The following KLF9 variants were observed in gnomAD, a reference collection of about 807,000 sequenced individuals.
KLF9 encodes Krueppel-like factor 9.
In KLF9, 2 loss-of-function variants were observed where a neutral mutation model predicts 17.3. The observed-to-expected ratio is 0.12, with a 90% CI of 0.05 to 0.36. The LOEUF is 0.36. Among genes scored for constraint, KLF9 ranks in the 10% least tolerant of loss-of-function variants. The pLI, the probability that KLF9 is intolerant of heterozygous loss-of-function variation, is 1.00. For missense variants in KLF9, 226 were observed against 333.2 expected (o/e 0.68, Z 2.51); for synonymous variants, 138 against 139.2 (o/e 0.99, Z 0.06).
rs1252820227 is a variant in KLF9 at position 70,413,460 on chromosome 9, GCGGCGCGGCA to G, written c.-107_-98del. 4.8e-5 allele frequency: 59 copies of G among 1,233,952 alleles called. No homozygotes were observed. The highest frequency in any genetic ancestry group is 3.1e-4 in the Middle Eastern group (1 of 3,268). 76.4% of individuals were successfully genotyped at this position (1,233,952 alleles called of 1,614,324 possible). A position where few individuals can be genotyped will look rare whatever the true frequency, so the allele number is the denominator to read the frequency against. ...CCTGGCCTCGGACGACGAGCGCGGC[GCGGCGCGGCA>G]CGGCGCGGCGGCCAAGGGGGCGGGG... On this transcript the variant is annotated 5_prime_UTR_variant, in exon 1 of 2. Coordinates refer to ENST00000377126, the MANE Select transcript of KLF9 (RefSeq NM_001206.4). The surrounding 1 kb of genome is among the most constrained non-coding windows in gnomAD (Gnocchi z 5.6).
rs1005799595 is a variant in KLF9, at chr9:70,385,501, A to T, written c.*2275T>A. ...CATCTAAGTGCTTGACAAAAGCCAC[A>T]TTTAGATTTACTCCTGAAACTATAA... On this transcript the variant is annotated 3_prime_UTR_variant, in exon 2 of 2. Coordinates refer to ENST00000377126, the MANE Select transcript of KLF9 (RefSeq NM_001206.4). 6 of 152,680 alleles carry T rather than the reference A, an allele frequency of 3.9e-5. No homozygotes were observed. Among genetic ancestry groups the T allele is most frequent in the African/African-American group, 1.4e-4 (6 of 41,478 alleles). The allele number at this position is 152,680 out of a possible 1,614,324, so 9.5% of individuals were successfully genotyped here.
At chr9:70,399,171 C>CT (rs2037203536) in intron 1 of KLF9, among the ~76,000 whole-genome samples, 1 of 152,146 alleles carries the variant, frequency 6.6e-6, no homozygotes, top group South Asian at 2.1e-4. Flanking sequence ...ATGGCCCTGC[C>CT]TGAAAACTAA....
chr9:70,394,298 T>TACACACACAC (rs61688107), intron 1 of KLF9, among the ~76,000 whole-genome samples: 54,135 of 150,212 alleles, frequency 0.36, 11,086 homozygotes, highest in South Asian at 0.57. Context: ...TAACAGCTCA[T>TACACACACAC]ACACACACAC....
At chr9:70,410,056 A>T (rs1489054051) in intron 1 of KLF9, among the ~76,000 whole-genome samples, 2 of 152,242 alleles carry the variant, frequency 1.3e-5, no homozygotes, top group Non-Finnish European at 2.9e-5. Flanking sequence ...TTGTGGATTA[A>T]GAAAGTGAGG....
At position 70,413,471 on chromosome 9, in the gene KLF9, C is replaced by T; in HGVS notation, c.-108G>A. 8.5e-7 allele frequency: 1 copy of T among 1,179,688 alleles called. No homozygotes were observed. The highest frequency in any genetic ancestry group is 1.1e-6 in the Non-Finnish European group (1 of 944,334). The allele number at this position is 1,179,688 out of a possible 1,614,324, so 73.1% of individuals were successfully genotyped here. ...ACGACGAGCGCGGCGCGGCGCGGCA[C>T]GGCGCGGCGGCCAAGGGGGCGGGGG... On this transcript the variant is annotated 5_prime_UTR_variant, in exon 1 of 2. It adds an upstream start codon to the 5' untranslated region. Transcript: ENST00000377126. The surrounding 1 kb of genome is among the most constrained non-coding windows in gnomAD (Gnocchi z 5.6).
At chr9:70,412,238 C>T (rs1587744723) in intron 1 of KLF9, among the ~76,000 whole-genome samples, 1 of 137,150 alleles carries the variant, frequency 7.3e-6, no homozygotes, top group African/African-American at 2.7e-5. Context: ...CCTGGCTCAT[C>T]AGGAGGACTC....
rs35616865 is a variant in KLF9 at position 70,409,200 on chromosome 9, G to GTA, written c.505+3657_505+3658dup. Among the ~76,000 whole-genome samples, 45 of 118,640 alleles carry GTA rather than the reference G, an allele frequency of 3.8e-4. 2 individuals are homozygous for GTA. The highest frequency in any genetic ancestry group is 9.0e-3 in the Middle Eastern group (2 of 222). The allele number at this position is 118,640 out of a possible 152,430, so 77.8% of individuals were successfully genotyped here. On this transcript the variant is annotated intron_variant, in intron 1 of 1. Coordinates refer to ENST00000377126, the MANE Select transcript of KLF9 (RefSeq NM_001206.4). The stretch of plus-strand genomic sequence containing the variant: ...TATATGTATACATATACATGTATAT[G>GTA]TATATATATATACATATATGTATAT...
chr9:70,397,879 G>A (rs2037193095), intron 1 of KLF9, among the ~76,000 whole-genome samples: 1 of 152,142 alleles, frequency 6.6e-6, no homozygotes, highest in South Asian at 2.1e-4. Context: ...AACATGAACA[G>A]TTGCTTTTTT....
chr9:70,400,773 TCATA>T (rs1335613067), intron 1 of KLF9, among the ~76,000 whole-genome samples: 4 of 152,240 alleles, frequency 2.6e-5, no homozygotes, highest in African/African-American at 9.6e-5. Context: ...TAAATCCTAC[TCATA>T]CATGCCACAT....
At chr9:70,411,949 A>G (rs557506994) in intron 1 of KLF9, among the ~76,000 whole-genome samples, 5 of 152,292 alleles carry the variant, frequency 3.3e-5, no homozygotes, top group Middle Eastern at 3.4e-3. Flanking sequence ...CACAACCAAC[A>G]GAATTGGATG....
At chr9:70,406,481 C>T (rs982884513) in intron 1 of KLF9, among the ~76,000 whole-genome samples, 4 of 152,152 alleles carry the variant, frequency 2.6e-5, no homozygotes, top group Non-Finnish European at 4.4e-5. Context: ...CTTCCAACCT[C>T]CAAGTGCTAT....
At chr9:70,407,026 A>T (rs898441091) in intron 1 of KLF9, among the ~76,000 whole-genome samples, 1 of 152,142 alleles carries the variant, frequency 6.6e-6, no homozygotes, top group Non-Finnish European at 1.5e-5. Context: ...TGGGATAGAA[A>T]GCAGGCTCCA....
rs1213654249 is a variant in KLF9 at position 70,387,422 on chromosome 9, C to G, written c.*354G>C. 6.7e-6 allele frequency: 1 copy of G among 149,208 alleles called. No individual in the cohort carries two copies. The highest frequency in any genetic ancestry group is 1.4e-5 in the Non-Finnish European group (1 of 69,066). 9.2% of individuals were successfully genotyped at this position (149,208 alleles called of 1,614,324 possible). ...AATTCTACCCCAGTCTTGGCCTTAC[C>G]CCCCTCCCCCCCACCCACTCCCTAC... On this transcript the variant is annotated 3_prime_UTR_variant, in exon 2 of 2. Coordinates refer to ENST00000377126, the MANE Select transcript of KLF9 (RefSeq NM_001206.4).
intron 1 of KLF9, 58 bp downstream of exon 1, chr9:70,412,801 T>TG: frequency 6.6e-7 from 1 of 1,507,004 alleles, no homozygotes; most frequent in Non-Finnish European, 8.9e-7. Flanking sequence ...CCAGGAACGC[T>TG]GCCTGGCCAA....
chr9:70,398,377 G>A (rs1275019804), intron 1 of KLF9, among the ~76,000 whole-genome samples: 1 of 152,194 alleles, frequency 6.6e-6, no homozygotes, highest in Non-Finnish European at 1.5e-5. Context: ...GCATGTCAGA[G>A]TCTAAGAAGC....
chr9:70,407,492 G>A (rs976967429), intron 1 of KLF9, among the ~76,000 whole-genome samples: 17 of 152,200 alleles, frequency 1.1e-4, no homozygotes, highest in African/African-American at 4.1e-4. Flanking sequence ...AACAGTGTGC[G>A]TACTCTGTAA....
At chr9:70,401,909 G>A (rs2037224791) in intron 1 of KLF9, among the ~76,000 whole-genome samples, 1 of 151,828 alleles carries the variant, frequency 6.6e-6, no homozygotes, top group African/African-American at 2.4e-5. Context: ...CAGCTACTCA[G>A]GAGGCTGAGG....
chr9:70,396,910 G>C lies in KLF9; in HGVS notation c.506-8905C>G, dbSNP rs1363765049. On this transcript the variant is annotated intron_variant, in intron 1 of 1. Coordinates refer to ENST00000377126, the MANE Select transcript of KLF9 (RefSeq NM_001206.4). ...GAATATATTCCAGGCCAGACATGGT[G>C]GTTTATGCCTGTAATCCCAGCACTT... Among the ~76,000 whole-genome samples the C allele has an allele frequency of 2.0e-5, 3 of 152,202 alleles. No homozygotes were observed. The East Asian group carries it at 5.8e-4, about 30-fold the overall frequency.
intron 1 of KLF9, among the ~76,000 whole-genome samples, chr9:70,409,020 A>G (rs142666790): frequency 6.8e-4 from 86 of 126,212 alleles, no homozygotes; most frequent in Middle Eastern, 3.9e-3. Context: ...ATACACATAT[A>G]TGTATATATA....
Sources: allele counts gnomAD v4.1 joint callset (sites outside exome capture counted in the v4.1 genomes callset), GRCh38; gene constraint gnomAD v4.1.1; non-coding constraint Gnocchi (gnomAD v3.1); transcripts MANE v1.5; gene names NCBI Gene and HGNC (gene_info 2026-07-23, HGNC 2026-07-21).